The following TEAD1 variants were observed in gnomAD, a reference collection of about 807,000 sequenced individuals.
The protein encoded by TEAD1 is TEA domain transcription factor 1, also known as transcriptional enhancer factor TEF-1.
In TEAD1, 9 loss-of-function variants were observed where a neutral mutation model predicts 54.9. The ratio of observed to expected loss-of-function variants is 0.16; its 90% confidence interval spans 0.10 to 0.29. The LOEUF is 0.29. Among genes scored for constraint, TEAD1 ranks in the 10% least tolerant of loss-of-function variants. The pLI is 1.00. For synonymous variants in TEAD1, 200 were observed against 187.8 expected, an observed-to-expected ratio of 1.07 and a Z score of -0.53; for missense variants, 387 against 535.9, an observed-to-expected ratio of 0.72 and a Z score of 2.74.
At chr11:12,917,201 G>C (rs1948730864) in intron 10 of TEAD1, among the ~76,000 whole-genome samples, 2 of 152,172 alleles carry the variant, frequency 1.3e-5, no homozygotes, top group South Asian at 2.1e-4. Context: ...AGAGACGACA[G>C]CTGGCAATGT....
intron 5 of TEAD1, among the ~76,000 whole-genome samples, chr11:12,878,192 T>A (rs540671498): frequency 4.7e-4 from 71 of 152,232 alleles, no homozygotes; most frequent in African/African-American, 1.6e-3. Flanking sequence ...CTGACAGTTA[T>A]AGGGCAAAGT....
chr11:12,883,679 T>C (rs1476819756), intron 9 of TEAD1, among the ~76,000 whole-genome samples: 1 of 152,172 alleles, frequency 6.6e-6, no homozygotes, highest in Non-Finnish European at 1.5e-5. Flanking sequence ...CAACTCTGTT[T>C]TCTCAAGATA....
intron 3 of TEAD1, among the ~76,000 whole-genome samples, chr11:12,808,757 A>G (rs1946230425): frequency 6.6e-6 from 1 of 152,198 alleles, no homozygotes; most frequent in African/African-American, 2.4e-5. Flanking sequence ...ACTCATCACC[A>G]TAAACATACT....
In TEAD1 at chr11:12,937,271, G is replaced by GTGCAC. The variant is rs1240073124; in HGVS notation, c.*50_*54dup. 1 of 1,308,944 alleles carries GTGCAC rather than the reference G, an allele frequency of 7.6e-7. No homozygotes were observed. The highest frequency in any genetic ancestry group is 1.2e-5 in the South Asian group (1 of 82,616). The allele number at this position is 1,308,944 out of a possible 1,614,324, so 81.1% of individuals were successfully genotyped here. On this transcript the variant is annotated 3_prime_UTR_variant, in exon 13 of 13. Coordinates refer to ENST00000527636, the MANE Select transcript of TEAD1 (RefSeq NM_021961.6). ...TATCTGTATATACACACACACATAT[G>GTGCAC]TGCACACACACACTCTCTCTCCATT...
At chr11:12,825,288 CTT>C (rs1044715927) in intron 3 of TEAD1, among the ~76,000 whole-genome samples, 1 of 152,146 alleles carries the variant, frequency 6.6e-6, no homozygotes, top group African/African-American at 2.4e-5. Context: ...AGAAAACTCT[CTT>C]TATTTTCAGA....
chr11:12,709,593 C>T (rs75568064), intron 2 of TEAD1, among the ~76,000 whole-genome samples: 3,268 of 151,988 alleles, frequency 0.022, 103 homozygotes, highest in African/African-American at 0.076. Context: ...TGATCGTAGC[C>T]CACTGTGTCC....
intron 2 of TEAD1, among the ~76,000 whole-genome samples, chr11:12,677,358 T>TTGGGAGGGCAGCC (rs1321129291): frequency 6.6e-6 from 1 of 152,038 alleles, no homozygotes; most frequent in Non-Finnish European, 1.5e-5. Context: ...AAGGGCGGGT[T>TTGGGAGGGCAGCC]TGGGAGGGCA....
chr11:12,930,915 G>C (rs570315916), intron 12 of TEAD1, among the ~76,000 whole-genome samples: 1 of 152,324 alleles, frequency 6.6e-6, no homozygotes, highest in Admixed American at 6.5e-5. Flanking sequence ...ATATAAATTA[G>C]AATAGAATGC....
At chr11:12,761,958 T>C (rs994585495) in intron 2 of TEAD1, among the ~76,000 whole-genome samples, 8 of 152,064 alleles carry the variant, frequency 5.3e-5, no homozygotes, top group Non-Finnish European at 1.0e-4. Context: ...GGGTGGTTGG[T>C]GTGTTTTGGT....
chr11:12,893,703 G>C (rs1184933891), intron 9 of TEAD1, among the ~76,000 whole-genome samples: 1 of 152,126 alleles, frequency 6.6e-6, no homozygotes, highest in Non-Finnish European at 1.5e-5. Context: ...AGGTGGGAAG[G>C]ATGCATCTCG....
At chr11:12,676,208 A>G (rs1419918321) in intron 2 of TEAD1, among the ~76,000 whole-genome samples, 1 of 152,262 alleles carries the variant, frequency 6.6e-6, no homozygotes, top group East Asian at 1.9e-4. Context: ...GAACCTTATC[A>G]GTTCACAACA....
chr11:12,699,016 A>G (rs1943642550), intron 2 of TEAD1, among the ~76,000 whole-genome samples: 1 of 152,218 alleles, frequency 6.6e-6, no homozygotes, highest in South Asian at 2.1e-4. Flanking sequence ...CTATTCAGAA[A>G]TTACTGGAGA....
chr11:12,802,967 TG>T lies in TEAD1; in HGVS notation c.202+38537del, dbSNP rs554504498. ...TCATTTGAGTTGGCGGCATGCCTGT[TG>T]GGGAAGTGAATTGTCAAGATAGAAA... On this transcript the variant is annotated intron_variant, in intron 3 of 12. Coordinates refer to ENST00000527636, the MANE Select transcript of TEAD1 (RefSeq NM_021961.6). 2.8e-4 allele frequency among the ~76,000 whole-genome samples: 43 copies of T among 152,266 alleles called. 2 individuals are homozygous for T. The South Asian group carries it at 8.1e-3, about 29-fold the overall frequency.
At chr11:12,835,102 A>G (rs1371975013) in intron 3 of TEAD1, among the ~76,000 whole-genome samples, 2 of 152,166 alleles carry the variant, frequency 1.3e-5, no homozygotes. Flanking sequence ...AGGAAGTTAC[A>G]GAGGGAGATT....
At chr11:12,884,567 C>T (rs1009150274) in intron 9 of TEAD1, among the ~76,000 whole-genome samples, 1 of 152,128 alleles carries the variant, frequency 6.6e-6, no homozygotes, top group Non-Finnish European at 1.5e-5. Context: ...AGGGGCTTGA[C>T]CAGTCATCAC....
chr11:12,768,349 A>G (rs1012371572), intron 3 of TEAD1, among the ~76,000 whole-genome samples: 5 of 152,226 alleles, frequency 3.3e-5, no homozygotes, highest in African/African-American at 1.2e-4. Context: ...ACCCCCTGCA[A>G]TGTTTGAACT....
intron 3 of TEAD1, among the ~76,000 whole-genome samples, chr11:12,811,802 G>C (rs1355875076): frequency 6.7e-6 from 1 of 149,628 alleles, no homozygotes; most frequent in Non-Finnish European, 1.5e-5. Flanking sequence ...ATCCCGGGAT[G>C]GGGGTGCAGG....
chr11:12,757,665 G>C (rs1182257882), intron 2 of TEAD1, among the ~76,000 whole-genome samples: 1 of 152,238 alleles, frequency 6.6e-6, no homozygotes, highest in African/African-American at 2.4e-5. Context: ...TCAGGAATGT[G>C]AAAGTAGCTG....
chr11:12,755,948 G>A (rs750828861), intron 2 of TEAD1, among the ~76,000 whole-genome samples: 1 of 152,200 alleles, frequency 6.6e-6, no homozygotes, highest in Non-Finnish European at 1.5e-5. Context: ...TCATTAAGGG[G>A]ATGGGGTGGG....
Sources: allele counts gnomAD v4.1 joint callset (sites outside exome capture counted in the v4.1 genomes callset), GRCh38; gene constraint gnomAD v4.1.1; transcripts MANE v1.5; gene names NCBI Gene and HGNC (gene_info 2026-07-23, HGNC 2026-07-21).